RIT2: variants seen among roughly 807,000 people sequenced by gnomAD.
RIT2 encodes the protein Ras like without CAAX 2.
RIT2 carries 24 observed loss-of-function variants against 23.7 expected under a neutral mutation model. That is an observed-to-expected ratio of 1.01 (90% CI 0.73 to 1.43). RIT2 has a LOEUF of 1.43. Among genes scored for constraint, RIT2 ranks in the 40% most tolerant of loss-of-function variants. The pLI is 0.00. For missense variants in RIT2, 236 were observed against 266.9 expected (o/e 0.88, Z 0.81); for synonymous variants, 107 against 91.1 (o/e 1.17, Z -0.99).
intron 1 of RIT2, among the ~76,000 whole-genome samples, chr18:43,040,982 T>A (rs1426132165): frequency 6.6e-6 from 1 of 152,150 alleles, no homozygotes; most frequent in Admixed American, 6.5e-5. Flanking sequence ...CTTTTAAAAA[T>A]TTTTGTAGGG....
intron 1 of RIT2, among the ~76,000 whole-genome samples, chr18:43,047,449 T>C (rs1275355385): frequency 6.6e-6 from 1 of 151,972 alleles, no homozygotes; most frequent in Non-Finnish European, 1.5e-5. Flanking sequence ...TCTACTCTCA[T>C]CCCAAGACAG....
chr18:42,859,372 A>G (rs1214890945), intron 4 of RIT2, among the ~76,000 whole-genome samples: 3 of 152,160 alleles, frequency 2.0e-5, no homozygotes, highest in Non-Finnish European at 4.4e-5. Flanking sequence ...TGATTATTCA[A>G]ATTCTCGGCT....
chr18:43,084,224 C>G (rs779012602), intron 1 of RIT2, among the ~76,000 whole-genome samples: 2 of 151,980 alleles, frequency 1.3e-5, no homozygotes, highest in Non-Finnish European at 2.9e-5. Context: ...TCATCAAAAC[C>G]TCAAGAAACA....
intron 3 of RIT2, among the ~76,000 whole-genome samples, chr18:42,969,587 T>C (rs1910315218): frequency 6.6e-6 from 1 of 151,890 alleles, no homozygotes; most frequent in South Asian, 2.1e-4. Context: ...CTGTTTCCCA[T>C]TGTTCCAGAA....
intron 4 of RIT2, 45 bp from the exon 5 acceptor site, chr18:42,743,765 C>A: frequency 7.1e-7 from 1 of 1,416,018 alleles, no homozygotes; most frequent in Non-Finnish European, 9.7e-7. Context: ...AAGAGAAAGA[C>A]TCTTCAATTA....
At chr18:42,855,007 C>T (rs1182775859) in intron 4 of RIT2, among the ~76,000 whole-genome samples, 2 of 152,130 alleles carry the variant, frequency 1.3e-5, no homozygotes, top group Non-Finnish European at 2.9e-5. Flanking sequence ...CTTGGATTTA[C>T]TTTATTAATA....
At chr18:43,084,965 C>T (rs187349708) in intron 1 of RIT2, among the ~76,000 whole-genome samples, 1 of 151,842 alleles carries the variant, frequency 6.6e-6, no homozygotes, top group Admixed American at 6.6e-5. Context: ...TGCACCATGG[C>T]CATGTGTGAG....
intron 1 of RIT2, among the ~76,000 whole-genome samples, chr18:43,063,167 TAA>T (rs1912691168): frequency 6.6e-6 from 1 of 152,086 alleles, no homozygotes; most frequent in South Asian, 2.1e-4. Context: ...TAGATTTGAG[TAA>T]AAAAGAGATA....
chr18:43,090,008 G>C (rs1913383313), intron 1 of RIT2, among the ~76,000 whole-genome samples: 1 of 152,030 alleles, frequency 6.6e-6, no homozygotes, highest in African/African-American at 2.4e-5. Flanking sequence ...GATGCCAAAA[G>C]CAATTGCAAC....
At chr18:43,008,280 T>C (rs750696466) in intron 2 of RIT2, among the ~76,000 whole-genome samples, 2 of 151,618 alleles carry the variant, frequency 1.3e-5, no homozygotes, top group African/African-American at 4.8e-5. Context: ...TAGGTATACA[T>C]ACAATGTACA....
chr18:42,941,706 T>C (rs931216410), intron 3 of RIT2, among the ~76,000 whole-genome samples: 1 of 152,170 alleles, frequency 6.6e-6, no homozygotes, highest in Non-Finnish European at 1.5e-5. Flanking sequence ...TCTAACATGA[T>C]ATATTTAAGT....
chr18:42,909,750 C>T (rs745980360), intron 4 of RIT2, among the ~76,000 whole-genome samples: 1 of 151,522 alleles, frequency 6.6e-6, no homozygotes, highest in Non-Finnish European at 1.5e-5. Flanking sequence ...AATTTATTTT[C>T]TTAAAATACA....
At chr18:42,989,913 T>C (rs1383257804) in intron 2 of RIT2, among the ~76,000 whole-genome samples, 1 of 152,094 alleles carries the variant, frequency 6.6e-6, no homozygotes, top group Non-Finnish European at 1.5e-5. Context: ...GTCAGGGTTA[T>C]CCAGAGAAAC....
intron 4 of RIT2, among the ~76,000 whole-genome samples, chr18:42,898,937 CTT>C (rs1908403408): frequency 6.6e-6 from 1 of 152,120 alleles, no homozygotes; most frequent in Admixed American, 6.5e-5. Flanking sequence ...ACAAAATATT[CTT>C]TGTCTTATTA....
intron 1 of RIT2, among the ~76,000 whole-genome samples, 165 bp from the exon 2 acceptor site, chr18:43,034,032 T>C (rs1391933172): frequency 6.6e-6 from 1 of 152,180 alleles, no homozygotes; most frequent in Non-Finnish European, 1.5e-5. Context: ...GACGAAGTTC[T>C]AGAGGGAAAA....
At chr18:42,784,066 T>C (rs926775435) in intron 4 of RIT2, among the ~76,000 whole-genome samples, 2 of 152,038 alleles carry the variant, frequency 1.3e-5, no homozygotes, top group East Asian at 3.9e-4. Context: ...ACTAGTTATT[T>C]GGAGTGAGGG....
chr18:42,760,725 A>T (rs2143899133), intron 4 of RIT2, among the ~76,000 whole-genome samples: 1 of 152,340 alleles, frequency 6.6e-6, no homozygotes, highest in Admixed American at 6.5e-5. Context: ...AAAAAGAGAC[A>T]TGATTGATAT....
chr18:42,976,097 A>G lies in RIT2; in HGVS notation c.161-1950T>C, dbSNP rs373194341. ...TTGTAAATCTTTCCGTTTTCTTTCA[A>G]TTGTTGGTTTCTAGTTTTATTCCAT... is the stretch of plus-strand genomic sequence containing the variant. On this transcript the variant is annotated intron_variant, in intron 2 of 4. Coordinates refer to ENST00000326695, the MANE Select transcript of RIT2 (RefSeq NM_002930.4). 6.5e-4 allele frequency among the ~76,000 whole-genome samples: 99 copies of G among 152,034 alleles called. 2 individuals are homozygous for G. The South Asian group carries it at 0.02, about 30-fold the overall frequency.
intron 4 of RIT2, among the ~76,000 whole-genome samples, chr18:42,784,592 T>C (rs1275014508): frequency 6.6e-6 from 1 of 152,072 alleles, no homozygotes; most frequent in Non-Finnish European, 1.5e-5. Flanking sequence ...TTACTATTAG[T>C]CCACCAAATC....
Sources: gnomAD v4.1 joint callset for allele counts (sites outside exome capture counted in the v4.1 genomes callset) on GRCh38, gnomAD v4.1.1 for gene constraint, MANE v1.5 for transcripts, NCBI Gene and HGNC (gene_info 2026-07-23, HGNC 2026-07-21) for gene names.